PAX3: variants seen among roughly 807,000 people sequenced by gnomAD.
PAX3 encodes paired box protein Pax-3.
A neutral mutation model predicts 51.6 loss-of-function variants in PAX3; 14 were observed. That is an observed-to-expected ratio of 0.27 (90% CI 0.18 to 0.42). The LOEUF (loss-of-function observed/expected upper bound fraction) is 0.42, where lower values mean the gene tolerates loss of function less well. PAX3 is among the 10% of genes least tolerant of loss of function. The probability of loss-of-function intolerance (pLI) is 1.00; values close to 1 mark genes in which losing one functional copy is unlikely to be tolerated. For missense variants in PAX3, 540 were observed against 642.8 expected (o/e 0.84, Z 1.73); for synonymous variants, 280 against 253.4 (o/e 1.11, Z -1.00).
In PAX3 at chr2:222,200,739, G is replaced by A; in HGVS notation, c.*669C>T. 1 of 264,594 alleles carries A rather than the reference G, an allele frequency of 3.8e-6. No individual in the cohort carries two copies. The highest frequency in any genetic ancestry group is 2.2e-5 in the African/African-American group (1 of 45,836). 16.4% of individuals were successfully genotyped at this position (264,594 alleles called of 1,614,324 possible). The stretch of plus-strand genomic sequence containing the variant: ...CTTCCTGGTAGCCCATATCCTGTTA[G>A]CAAGACATGTCCGGGCCATTTATTG... On this transcript the variant is annotated 3_prime_UTR_variant, in exon 9 of 9. Coordinates refer to ENST00000392070, the MANE Select transcript of PAX3 (RefSeq NM_181458.4).
intron 7 of PAX3, among the ~76,000 whole-genome samples, chr2:222,207,387 AG>A (rs1256742888): frequency 6.6e-6 from 1 of 152,212 alleles, no homozygotes; most frequent in African/African-American, 2.4e-5. Context: ...GTTTCTCTTA[AG>A]GTATGTGTGG....
intron 4 of PAX3, among the ~76,000 whole-genome samples, chr2:222,283,813 T>G (rs994255737): frequency 6.6e-6 from 1 of 152,240 alleles, no homozygotes; most frequent in Non-Finnish European, 1.5e-5. Context: ...TGACCTATTT[T>G]GGAGACAGGT....
At chr2:222,265,509 CG>C (rs1235126685) in intron 4 of PAX3, among the ~76,000 whole-genome samples, 1 of 151,974 alleles carries the variant, frequency 6.6e-6, no homozygotes, top group Admixed American at 6.6e-5. Context: ...AAAAAATAGC[CG>C]GGCGTGGTGG....
intron 4 of PAX3, among the ~76,000 whole-genome samples, chr2:222,255,917 A>ATTTTTTTTT (rs57757180): frequency 0.011 from 1,041 of 98,198 alleles, no homozygotes; most frequent in Non-Finnish European, 0.014. Context: ...CGCCCAGCTA[A>ATTTTTTTTT]TTTTTTTTTT....
At chr2:222,255,072 C>T (rs1010456303) in intron 4 of PAX3, among the ~76,000 whole-genome samples, 10 of 152,146 alleles carry the variant, frequency 6.6e-5, no homozygotes, top group African/African-American at 1.9e-4. Flanking sequence ...CTTGAGCCAC[C>T]GCACCTGGCA....
chr2:222,272,164 C>G (rs1467769662), intron 4 of PAX3, among the ~76,000 whole-genome samples: 1 of 152,232 alleles, frequency 6.6e-6, no homozygotes, highest in African/African-American at 2.4e-5. Context: ...GAATCAGAGG[C>G]ACACTTAGAG....
rs372570126 is a variant in PAX3 at position 222,276,533 on chromosome 2, C to T, written c.586+17634G>A. Among the ~76,000 whole-genome samples the T allele has an allele frequency of 5.9e-5, 9 of 152,310 alleles. No individual in the cohort carries two copies. The South Asian group carries it at 1.2e-3, about 21-fold the overall frequency. ...GCTGCCTGTACCTTCTACAAGTCTG[C>T]TGAGAGGTGGATGGGGCCACAGCTG... On this transcript the variant is annotated intron_variant, in intron 4 of 8. Coordinates refer to ENST00000392070, the MANE Select transcript of PAX3 (RefSeq NM_181458.4).
chr2:222,282,475 A>T (rs948780976), intron 4 of PAX3, among the ~76,000 whole-genome samples: 1 of 152,228 alleles, frequency 6.6e-6, no homozygotes, highest in East Asian at 1.9e-4. Context: ...CCATTCCCAA[A>T]CTCAAGAAAC....
At chr2:222,207,354 A>G (rs1223412797) in intron 7 of PAX3, among the ~76,000 whole-genome samples, 1 of 152,206 alleles carries the variant, frequency 6.6e-6, no homozygotes, top group African/African-American at 2.4e-5. Flanking sequence ...AAGCTGTAAG[A>G]GGGAAGTTGC....
At chr2:222,263,715 C>T (rs1488352651) in intron 4 of PAX3, 2 of 152,134 alleles carry the variant, frequency 1.3e-5, no homozygotes, top group Non-Finnish European at 2.9e-5. Context: ...AAGGAAATAG[C>T]CAAAACCCTC....
chr2:222,263,103 A>T (rs189934056), intron 4 of PAX3: 1 of 152,332 alleles, frequency 6.6e-6, no homozygotes, highest in East Asian at 1.9e-4. Context: ...AAAATAAAAA[A>T]TTGACAAATT....
chr2:222,221,723 G>T, intron 5 of PAX3: 1 of 331,954 alleles, frequency 3.0e-6, no homozygotes, highest in Admixed American at 4.1e-5. Flanking sequence ...CGTGTAGACA[G>T]CCTTCTGGGG....
intron 4 of PAX3, among the ~76,000 whole-genome samples, chr2:222,241,872 T>C (rs528026003): frequency 1.3e-5 from 2 of 152,352 alleles, no homozygotes; most frequent in South Asian, 4.1e-4. Flanking sequence ...ATTAACTCTA[T>C]GAAATAGGAC....
chr2:222,209,696 C>CAAAAA (rs546468709), intron 7 of PAX3, among the ~76,000 whole-genome samples: 1 of 61,348 alleles, frequency 1.6e-5, no homozygotes, highest in Non-Finnish European at 3.0e-5. Flanking sequence ...TCTGTCTCTA[C>CAAAAA]AAAAAAAAAA....
At chr2:222,294,363 C>A (rs1446513540) in intron 3 of PAX3, 62 bp from the exon 4 acceptor site, 2 of 1,588,824 alleles carry the variant, frequency 1.3e-6, no homozygotes, top group African/African-American at 1.3e-5. Flanking sequence ...CAGGGCTGTG[C>A]GGGAAGGACC....
At chr2:222,232,376 C>A (rs1167249149) in intron 4 of PAX3, 93 bp from the exon 5 acceptor site, 2 of 1,042,200 alleles carry the variant, frequency 1.9e-6, no homozygotes, top group African/African-American at 3.2e-5. Flanking sequence ...TGCAAGACAC[C>A]ATTACAGTGA....
intron 4 of PAX3, among the ~76,000 whole-genome samples, chr2:222,257,837 G>C (rs1450091476): frequency 5.9e-5 from 9 of 152,250 alleles, no homozygotes; most frequent in African/African-American, 2.2e-4. Flanking sequence ...GCCTCCCCAG[G>C]GTCACCCCCA....
chr2:222,251,493 T>C (rs186198960), intron 4 of PAX3, among the ~76,000 whole-genome samples: 33 of 152,362 alleles, frequency 2.2e-4, no homozygotes, highest in African/African-American at 5.3e-4. Context: ...CCACATTTTC[T>C]TAATCCAGTC....
At chr2:222,207,155 T>G in intron 7 of PAX3, among the ~76,000 whole-genome samples, 1 of 152,178 alleles carries the variant, frequency 6.6e-6, no homozygotes, top group East Asian at 1.9e-4. Flanking sequence ...ATCCAAATGT[T>G]TTTTGCCAAT....
Sources: allele counts gnomAD v4.1 joint callset (sites outside exome capture counted in the v4.1 genomes callset), GRCh38; gene constraint gnomAD v4.1.1; transcripts MANE v1.5; gene names NCBI Gene and HGNC (gene_info 2026-07-23, HGNC 2026-07-21).